TBC1D2B: variants seen among roughly 807,000 people sequenced by gnomAD.
TBC1D2B encodes the protein TBC1 domain family, member 2B.
A neutral mutation model predicts 100.8 loss-of-function variants in TBC1D2B; 64 were observed. The ratio of observed to expected loss-of-function variants is 0.64; its 90% CI spans 0.52 to 0.78. The LOEUF is 0.78. Among genes scored for constraint, TBC1D2B ranks in the 30% least tolerant of loss-of-function variants. The pLI is 0.00. For missense variants in TBC1D2B, 1,052 were observed against 1,218.4 expected, an observed-to-expected ratio of 0.86 and a Z score of 2.03; for synonymous variants, 480 against 479.7, an observed-to-expected ratio of 1.00 and a Z score of -0.01.
chr15:78,060,413 G>A (rs1478337423), intron 1 of TBC1D2B, among the ~76,000 whole-genome samples: 1 of 150,784 alleles, frequency 6.6e-6, no homozygotes, highest in Non-Finnish European at 1.5e-5. Flanking sequence ...CCAGGTGGGT[G>A]AATCACTTGG....
chr15:78,006,177 AC>A (rs2072062511), intron 10 of TBC1D2B, among the ~76,000 whole-genome samples: 1 of 152,170 alleles, frequency 6.6e-6, no homozygotes, highest in African/African-American at 2.4e-5. Flanking sequence ...AATGTGCTTG[AC>A]CACACCTCAA....
intron 3 of TBC1D2B, among the ~76,000 whole-genome samples, chr15:78,037,295 G>A (rs1470219452): frequency 6.6e-6 from 1 of 152,116 alleles, no homozygotes; most frequent in East Asian, 1.9e-4. Context: ...CCTTGCCTCT[G>A]CATGGGTGTC....
At chr15:78,028,465 C>T (rs1159795029) in intron 4 of TBC1D2B, among the ~76,000 whole-genome samples, 4 of 152,046 alleles carry the variant, frequency 2.6e-5, no homozygotes, top group Admixed American at 1.3e-4. Context: ...AGCGAGACTC[C>T]GTCTCAATAA....
intron 1 of TBC1D2B, among the ~76,000 whole-genome samples, chr15:78,064,621 C>A (rs1051301072): frequency 1.3e-4 from 20 of 152,120 alleles, no homozygotes; most frequent in Non-Finnish European, 2.5e-4. Flanking sequence ...CCTGGTAATA[C>A]AAAACAAAAT....
intron 6 of TBC1D2B, among the ~76,000 whole-genome samples, chr15:78,020,265 G>A (rs980780951): frequency 2.6e-5 from 4 of 152,324 alleles, no homozygotes; most frequent in Admixed American, 6.5e-5. Context: ...GAGGGCAACT[G>A]AAGAAAGCAC....
intron 2 of TBC1D2B, among the ~76,000 whole-genome samples, chr15:78,052,942 C>A (rs576185001): frequency 9.2e-5 from 14 of 152,266 alleles, no homozygotes; most frequent in African/African-American, 3.4e-4. Context: ...ATAGTCAGAG[C>A]GCTAAGACAG....
chr15:78,029,344 C>T (rs1197569611), intron 4 of TBC1D2B, among the ~76,000 whole-genome samples: 31 of 152,188 alleles, frequency 2.0e-4, no homozygotes, highest in Non-Finnish European at 1.5e-5. Context: ...AGGCGTAAGC[C>T]ACCACGCCTG....
intron 10 of TBC1D2B, among the ~76,000 whole-genome samples, chr15:78,007,112 G>A (rs1255612878): frequency 5.9e-5 from 9 of 152,240 alleles, no homozygotes; most frequent in Admixed American, 5.2e-4. Flanking sequence ...GATGAGCGAT[G>A]GGATGTTGTT....
chr15:78,058,737 T>C (rs1343270051), intron 1 of TBC1D2B, among the ~76,000 whole-genome samples: 1 of 152,110 alleles, frequency 6.6e-6, no homozygotes, highest in Non-Finnish European at 1.5e-5. Context: ...CCCCTCAGAA[T>C]GACCAAAATG....
intron 1 of TBC1D2B, among the ~76,000 whole-genome samples, chr15:78,069,145 T>C (rs1331253089): frequency 1.3e-5 from 2 of 152,076 alleles, no homozygotes; most frequent in African/African-American, 4.8e-5. Context: ...AGACGTGAGG[T>C]GGGAGCTGGT....
chr15:78,070,555 C>A (rs1478077685), intron 1 of TBC1D2B, among the ~76,000 whole-genome samples: 1 of 152,214 alleles, frequency 6.6e-6, no homozygotes. Context: ...GCTCCTGAGG[C>A]CTTCCTAGAA....
intron 3 of TBC1D2B, among the ~76,000 whole-genome samples, chr15:78,039,151 T>G (rs1441151231): frequency 6.6e-6 from 1 of 152,226 alleles, no homozygotes; most frequent in Non-Finnish European, 1.5e-5. Context: ...CTACATGCCT[T>G]GTCTTTCTTG....
At position 78,033,473 on chromosome 15, in the gene TBC1D2B, G is replaced by A. The variant is rs548278004; in HGVS notation, c.684-3303C>T. On this transcript the variant is annotated intron_variant, in intron 3 of 12. Coordinates refer to ENST00000300584, the MANE Select transcript of TBC1D2B (RefSeq NM_144572.2). Reference sequence around the variant, plus strand: ...ACTCAAAGCTATAGTGACGGAAAGCGGATCAGAGGTTGCCCAGGGCCGGGT... The same window carrying A: ...ACTCAAAGCTATAGTGACGGAAAGCAGATCAGAGGTTGCCCAGGGCCGGGT... Among the ~76,000 whole-genome samples, 8 of 152,292 alleles carry A rather than the reference G, an allele frequency of 5.3e-5. 1 individual carries two copies. The highest frequency in any genetic ancestry group is 1.3e-4 in the Admixed American group (2 of 15,302).
Position 78,025,389 on chromosome 15 carries a change from T to A in TBC1D2B, c.956A>T (p.Asp319Val). ...GCCTGATGTGCCTTCACTTGAAGGG[T>A]CACCACTGCTGTGACGATTTTTGTA... Reference protein sequence around the residue: ...GSYKNRHSSGDPSSEGTSGSG... With the variant: ...GSYKNRHSSGVPSSEGTSGSG... Residue 319 changes from aspartate to valine, a missense_variant, in exon 5 of 13, where the codon GAC becomes GTC. Around this residue, in one of 4 missense-constraint regions of TBC1D2B, gnomAD observed 627 missense variants for 646.1 expected, o/e 0.97. Coordinates refer to ENST00000300584, the MANE Select transcript of TBC1D2B (RefSeq NM_144572.2). The A allele has an allele frequency of 2.5e-6, 4 of 1,613,990 alleles. No individual in the cohort carries two copies. The East Asian group carries it at 8.9e-5, about 36-fold the overall frequency.
intron 3 of TBC1D2B, among the ~76,000 whole-genome samples, chr15:78,043,332 A>C (rs1002678753): frequency 2.0e-5 from 3 of 152,092 alleles, no homozygotes; most frequent in African/African-American, 4.8e-5. Flanking sequence ...ACTGGCTTGG[A>C]CTCTACAGGA....
chr15:78,013,661 T>G (rs2072294338), intron 8 of TBC1D2B, among the ~76,000 whole-genome samples: 1 of 152,212 alleles, frequency 6.6e-6, no homozygotes, highest in African/African-American at 2.4e-5. Flanking sequence ...TATATGTGTA[T>G]GTTTCTTTAT....
At chr15:78,070,123 CTA>C (rs1160974687) in intron 1 of TBC1D2B, among the ~76,000 whole-genome samples, 2 of 152,208 alleles carry the variant, frequency 1.3e-5, no homozygotes, top group Non-Finnish European at 2.9e-5. Context: ...CTTCCAAAGG[CTA>C]TGTCCCCTTC....
intron 4 of TBC1D2B, among the ~76,000 whole-genome samples, chr15:78,029,060 T>G (rs1193811430): frequency 1.1e-5 from 1 of 90,270 alleles, no homozygotes; most frequent in Non-Finnish European, 2.7e-5. Flanking sequence ...GTGGTTATAA[T>G]TTTTTTTTTT....
At chr15:77,999,045 C>T (rs2071841602) in intron 12 of TBC1D2B, 1 of 246,144 alleles carries the variant, frequency 4.1e-6, no homozygotes, top group South Asian at 4.2e-5. Context: ...GTCCTGAGGC[C>T]TGGCTATGGA....
Sources: gnomAD v4.1 joint callset for allele counts (sites outside exome capture counted in the v4.1 genomes callset) on GRCh38, gnomAD v4.1.1 for gene constraint, gnomAD v4.1.1 regional missense constraint, MANE v1.5 for transcripts, NCBI Gene and HGNC (gene_info 2026-07-23, HGNC 2026-07-21) for gene names.